Variants in ARHGAP5 observed in about 807,000 individuals in gnomAD.
ARHGAP5 encodes the protein Rho GTPase activating protein 5.
Under a neutral mutation model 116.6 loss-of-function variants are expected in ARHGAP5, and 23 were observed. The observed-to-expected ratio is 0.20, with a 90% CI of 0.14 to 0.28. ARHGAP5 has a LOEUF of 0.28. ARHGAP5 is among the 10% of genes least tolerant of loss of function. The pLI is 1.00. For synonymous variants in ARHGAP5, 574 were observed against 602.0 expected (o/e 0.95, Z 0.68); for missense variants, 1,405 against 1,774.8 (o/e 0.79, Z 3.74).
At chr14:32,144,134 G>T (rs556629756) in intron 3 of ARHGAP5, among the ~76,000 whole-genome samples, 69 of 152,272 alleles carry the variant, frequency 4.5e-4, no homozygotes, top group African/African-American at 1.5e-3. Flanking sequence ...AGAAAAAATT[G>T]CGTCTAATTG....
intron 3 of ARHGAP5, among the ~76,000 whole-genome samples, chr14:32,121,436 G>A (rs1879885680): frequency 6.6e-6 from 1 of 151,934 alleles, no homozygotes; most frequent in African/African-American, 2.4e-5. Flanking sequence ...TGTTTTATAA[G>A]AACCTTAGAA....
At chr14:32,125,929 G>C (rs1387283015) in intron 3 of ARHGAP5, among the ~76,000 whole-genome samples, 2 of 152,128 alleles carry the variant, frequency 1.3e-5, no homozygotes, top group Admixed American at 6.5e-5. Flanking sequence ...GTTTATGGTG[G>C]TGTGTAGAAC....
chr14:32,077,549 G>T, intron 1 of ARHGAP5, 114 bp downstream of exon 1: 1 of 573,100 alleles, frequency 1.7e-6, no homozygotes, highest in Non-Finnish European at 3.1e-6. Context: ...CCAGTTGAAG[G>T]GGCTGGGGCC....
rs1288080286 is a variant in ARHGAP5, at chr14:32,111,425, CAAG to C, written c.3718-5713_3718-5711del. On this transcript the variant is annotated intron_variant, in intron 2 of 6. Transcript: ENST00000345122. ...GTGAAGAGACTGACTGCTGAAAAGT[CAAG>C]ATGAGAACTGAGAACTAATTATAGA... is the stretch of plus-strand genomic sequence containing the variant. Among the ~76,000 whole-genome samples the C allele has an allele frequency of 2.6e-5, 4 of 152,246 alleles. No homozygotes were observed. The East Asian group carries it at 7.7e-4, about 29-fold the overall frequency.
rs945890674 is a variant in ARHGAP5, at chr14:32,155,286, T to G, written c.*338T>G. On this transcript the variant is annotated 3_prime_UTR_variant, in exon 7 of 7. Transcript: ENST00000345122. ...AATTTTTCTATAGAAATTAAATGAT[T>G]TAAAAACTCACCTATATGAAACATT... 2.3e-5 allele frequency: 4 copies of G among 175,246 alleles called. No homozygotes were observed. The highest frequency in any genetic ancestry group is 4.9e-5 in the Non-Finnish European group (4 of 82,066). The allele number at this position is 175,246 out of a possible 1,614,324, so 10.9% of individuals were successfully genotyped here.
At chr14:32,105,875 A>C (rs1878993708) in intron 2 of ARHGAP5, among the ~76,000 whole-genome samples, 2 of 152,242 alleles carry the variant, frequency 1.3e-5, no homozygotes, top group African/African-American at 4.8e-5. Flanking sequence ...ATCACAGGGC[A>C]TATAACTTTC....
chr14:32,148,163 A>ATCT (rs1555359597), intron 4 of ARHGAP5, among the ~76,000 whole-genome samples: 27 of 147,438 alleles, frequency 1.8e-4, no homozygotes, highest in African/African-American at 6.6e-4. Context: ...AAAAAAAAGA[A>ATCT]ATCTATCTAT....
At chr14:32,102,008 G>A (rs1032065313) in intron 2 of ARHGAP5, among the ~76,000 whole-genome samples, 3 of 152,010 alleles carry the variant, frequency 2.0e-5, no homozygotes, top group Admixed American at 6.6e-5. Context: ...ACTATAGGAA[G>A]GCAATACTTA....
chr14:32,096,433 A>G (rs1878531563), intron 2 of ARHGAP5, among the ~76,000 whole-genome samples: 1 of 152,238 alleles, frequency 6.6e-6, no homozygotes, highest in Non-Finnish European at 1.5e-5. Flanking sequence ...AAAATAGAAT[A>G]GACAAACCTC....
At chr14:32,139,180 A>G (rs992107538) in intron 3 of ARHGAP5, among the ~76,000 whole-genome samples, 1 of 152,198 alleles carries the variant, frequency 6.6e-6, no homozygotes, top group African/African-American at 2.4e-5. Context: ...ATATTGGCCT[A>G]TAGTTTTCAC....
At chr14:32,115,622 C>T (rs1166706902) in intron 2 of ARHGAP5, among the ~76,000 whole-genome samples, 3 of 142,922 alleles carry the variant, frequency 2.1e-5, no homozygotes, top group African/African-American at 7.9e-5. Flanking sequence ...GCCGAGATCG[C>T]GCCACTGCAC....
In ARHGAP5 at chr14:32,156,701, CTTTAA is replaced by C. The variant is rs1354719098; in HGVS notation, c.*1758_*1762del. The C allele has an allele frequency of 6.6e-6, 1 of 152,240 alleles. No individual in the cohort carries two copies. Among genetic ancestry groups the C allele is most frequent in the Non-Finnish European group, 1.5e-5 (1 of 67,784 alleles). 9.4% of individuals were successfully genotyped at this position (152,240 alleles called of 1,614,324 possible). On this transcript the variant is annotated 3_prime_UTR_variant, in exon 7 of 7. Transcript: ENST00000345122. ...TTACTTATACCTATTGTCTATATAG[CTTTAA>C]TTTATAGTTGTCAGTTTAACTATTG...
intron 3 of ARHGAP5, among the ~76,000 whole-genome samples, chr14:32,141,660 A>C (rs759730118): frequency 9.2e-5 from 14 of 152,102 alleles, no homozygotes; most frequent in Admixed American, 5.9e-4. Flanking sequence ...GAACTTCCTT[A>C]ACTCTCTTTA....
chr14:32,121,484 A>G (rs1284762227), intron 3 of ARHGAP5, among the ~76,000 whole-genome samples: 2 of 152,188 alleles, frequency 1.3e-5, no homozygotes, highest in Admixed American at 6.5e-5. Flanking sequence ...GTTGTTATAT[A>G]TTTTAAATCT....
intron 5 of ARHGAP5, 22 bp downstream of exon 5, chr14:32,150,055 A>C: frequency 6.5e-7 from 1 of 1,537,308 alleles, no homozygotes; most frequent in African/African-American, 1.4e-5. Flanking sequence ...CCTCCTTTTT[A>C]TGAGAGGGAT....
rs1881912657 is a variant in ARHGAP5, at chr14:32,156,776, G to A, written c.*1828G>A. Reference sequence around the variant, plus strand: ...TTAAACTTTAAGAGTTTTATAAACTGTTTCTAGGTTGCTAAAGAATTTATT... The same window carrying A: ...TTAAACTTTAAGAGTTTTATAAACTATTTCTAGGTTGCTAAAGAATTTATT... On this transcript the variant is annotated 3_prime_UTR_variant, in exon 7 of 7. Coordinates refer to ENST00000345122, the MANE Select transcript of ARHGAP5 (RefSeq NM_001030055.2). 1 of 152,386 alleles carries A rather than the reference G, an allele frequency of 6.6e-6. No homozygotes were observed. Among genetic ancestry groups the A allele is most frequent in the African/African-American group, 2.4e-5 (1 of 41,540 alleles). 9.4% of individuals were successfully genotyped at this position (152,386 alleles called of 1,614,324 possible). A position where few individuals can be genotyped will look rare whatever the true frequency, so the allele number is the denominator to read the frequency against.
Position 32,106,659 on chromosome 14 carries a change from G to C in ARHGAP5, c.3718-10481G>C, listed in dbSNP as rs182520783. Among the ~76,000 whole-genome samples the C allele has an allele frequency of 3.2e-4, 49 of 152,262 alleles. No homozygotes were observed. In the East Asian group the frequency reaches 7.7e-3, roughly 24 times the overall value. On this transcript the variant is annotated intron_variant, in intron 2 of 6. Coordinates refer to ENST00000345122, the MANE Select transcript of ARHGAP5 (RefSeq NM_001030055.2). ...ATAAAGTTCCAAATACGTGAGTTAGGCATCTAAAGCCATTTGCAGTATGGC... is the reference window on the plus strand; with the variant it reads ...ATAAAGTTCCAAATACGTGAGTTAGCCATCTAAAGCCATTTGCAGTATGGC...
chr14:32,082,809 A>C (rs988619669), intron 1 of ARHGAP5, among the ~76,000 whole-genome samples: 10 of 152,128 alleles, frequency 6.6e-5, no homozygotes, highest in Non-Finnish European at 1.3e-4. Context: ...CAAAGTGTTG[A>C]GATTACAGGC....
chr14:32,108,655 G>A (rs893718669), intron 2 of ARHGAP5, among the ~76,000 whole-genome samples: 2 of 151,958 alleles, frequency 1.3e-5, no homozygotes, highest in African/African-American at 4.8e-5. Context: ...GAATATGCTG[G>A]GATATGTGGA....
Sources: allele counts gnomAD v4.1 joint callset (sites outside exome capture counted in the v4.1 genomes callset), GRCh38; gene constraint gnomAD v4.1.1; transcripts MANE v1.5; gene names NCBI Gene and HGNC (gene_info 2026-07-23, HGNC 2026-07-21).